ASH2L: variants seen among roughly 807,000 people sequenced by gnomAD.
The protein encoded by ASH2L is set1/Ash2 histone methyltransferase complex subunit ASH2.
Under a neutral mutation model 81.1 loss-of-function variants are expected in ASH2L, and 30 were observed. The observed-to-expected ratio is 0.37, with a 90% CI of 0.28 to 0.50. The LOEUF is 0.50. ASH2L is among the 20% of genes least tolerant of loss of function. ASH2L has a pLI of 0.95. For missense variants in ASH2L, 559 were observed against 792.1 expected, an observed-to-expected ratio of 0.71 and a Z score of 3.53; for synonymous variants, 273 against 279.9, an observed-to-expected ratio of 0.98 and a Z score of 0.24.
At chr8:38,106,135 C>T (rs1474754636) in intron 1 of ASH2L, 1 of 1,529,566 alleles carries the variant, frequency 6.5e-7, no homozygotes, top group South Asian at 1.2e-5. Context: ...CCAACTCTAA[C>T]CCAGGTAGAT....
chr8:38,119,511 A>C, intron 9 of ASH2L, 148 bp downstream of exon 9: 3 of 647,870 alleles, frequency 4.6e-6, no homozygotes, highest in South Asian at 2.4e-5. Flanking sequence ...GGACAAAATA[A>C]CCCCAGGTTG....
intron 12 of ASH2L, among the ~76,000 whole-genome samples, chr8:38,130,195 T>C (rs1238722256): frequency 6.7e-6 from 1 of 150,332 alleles, no homozygotes; most frequent in Admixed American, 6.6e-5. Flanking sequence ...ATATTTTGCC[T>C]GTTAATATTG....
In ASH2L at chr8:38,128,344, T is replaced by C. The variant is rs1801938608; in HGVS notation, c.1219T>C (p.Tyr407His). 1 of 1,614,170 alleles carries C rather than the reference T, an allele frequency of 6.2e-7. No individual in the cohort carries two copies. The highest frequency in any genetic ancestry group is 8.5e-7 in the Non-Finnish European group (1 of 1,180,014). Residue 407 changes from tyrosine to histidine, a missense_variant, in exon 11 of 16, where the codon TAC becomes CAC. Physicochemically the swap from Tyr to His is moderately conservative, Grantham distance 83. Coordinates refer to ENST00000343823, the MANE Select transcript of ASH2L (RefSeq NM_004674.5). The stretch of plus-strand genomic sequence containing the variant: ...GCTGACTGTGGTTGGAGAGAAGGGC[T>C]ACTCTATGGTGAGGGCCTCTCATGG... ...DRLTVVGEKGYSMVRASHGVR... is the reference protein window; with the variant it reads ...DRLTVVGEKGHSMVRASHGVR...
intron 5 of ASH2L, 77 bp downstream of exon 5, chr8:38,110,910 C>CT: frequency 8.5e-7 from 1 of 1,183,280 alleles, no homozygotes; most frequent in Non-Finnish European, 1.2e-6. Context: ...CTAACAAGTA[C>CT]TTTCTTCCCA....
intron 7 of ASH2L, 74 bp from the exon 8 acceptor site, chr8:38,116,576 T>C (rs1810911563): frequency 8.5e-7 from 1 of 1,171,718 alleles, no homozygotes; most frequent in Admixed American, 2.1e-5. Flanking sequence ...TCTGTTAGAA[T>C]TTCTCTTGTT....
In ASH2L at chr8:38,105,621, C is replaced by T. The variant is rs1810384726; in HGVS notation, c.71C>T (p.Ala24Val). The change falls in exon 1 of 16, where the codon GCA becomes GTA. Residue 24 changes from alanine to valine, a missense_variant. Physicochemically the swap from Ala to Val is moderately conservative, Grantham distance 64. Transcript: ENST00000343823. Reference sequence around the variant, plus strand: ...CCTGGCCCAGGAGCGGTCGCAAATGCAACAGGGGCAGAAGAGGGGGAGATG... The same window carrying T: ...CCTGGCCCAGGAGCGGTCGCAAATGTAACAGGGGCAGAAGAGGGGGAGATG... ...AGPGPGAVAN[A>V]TGAEEGEMKP... 1.2e-6 allele frequency: 2 copies of T among 1,605,726 alleles called. No homozygotes were observed. Among genetic ancestry groups the T allele is most frequent in the African/African-American group, 1.3e-5 (1 of 74,320 alleles).
At chr8:38,136,540 C>A (rs1357580031) in intron 14 of ASH2L, among the ~76,000 whole-genome samples, 1 of 148,824 alleles carries the variant, frequency 6.7e-6, no homozygotes, top group East Asian at 2.0e-4. Context: ...TTTGGGAGGC[C>A]AAGGTGGGTG....
intron 10 of ASH2L, among the ~76,000 whole-genome samples, chr8:38,122,658 C>G (rs961734767): frequency 6.6e-6 from 1 of 152,102 alleles, no homozygotes; most frequent in Non-Finnish European, 1.5e-5. Flanking sequence ...GGGTTGACAG[C>G]CTTCCTCCTT....
At chr8:38,129,390 G>C (rs533368314) in intron 12 of ASH2L, among the ~76,000 whole-genome samples, 7 of 152,218 alleles carry the variant, frequency 4.6e-5, no homozygotes, top group African/African-American at 1.7e-4. Flanking sequence ...CAACAATTTG[G>C]GAAGCCAAGC....
chr8:38,135,048 A>G (rs918955365), intron 13 of ASH2L, among the ~76,000 whole-genome samples: 4 of 151,706 alleles, frequency 2.6e-5, no homozygotes, highest in Non-Finnish European at 5.9e-5. Context: ...AGGCCAGCTT[A>G]CTTTAAAAAA....
rs542107345 is a variant in ASH2L, at chr8:38,119,613, C to A, written c.947+250C>A. On this transcript the variant is annotated intron_variant, in intron 9 of 15. Transcript: ENST00000343823. ...TTGAGGCCAGGAGTTTGAGACCAGC[C>A]TGGCCAACATGGCGAAACCCCATCT... Among the ~76,000 whole-genome samples the A allele has an allele frequency of 6.6e-5, 10 of 152,118 alleles. No individual in the cohort carries two copies. In the South Asian group the frequency reaches 2.1e-3, roughly 32 times the overall value.
rs747727718 is a variant in ASH2L, at chr8:38,139,139, C to T, written c.*68C>T. 8.6e-5 allele frequency: 108 copies of T among 1,258,000 alleles called. No individual in the cohort carries two copies. The highest frequency in any genetic ancestry group is 1.2e-4 in the Non-Finnish European group (107 of 911,778). The allele number at this position is 1,258,000 out of a possible 1,614,324, so 77.9% of individuals were successfully genotyped here. ...TGGGGGTTTTGTTTTTGTTTTTGAA[C>T]TGTCTCAAATGTTCTCCCAAAGATG... is the stretch of plus-strand genomic sequence containing the variant. On this transcript the variant is annotated 3_prime_UTR_variant, in exon 16 of 16. Coordinates refer to ENST00000343823, the MANE Select transcript of ASH2L (RefSeq NM_004674.5).
At chr8:38,127,259 C>T (rs1013185821) in intron 10 of ASH2L, among the ~76,000 whole-genome samples, 1 of 147,386 alleles carries the variant, frequency 6.8e-6, no homozygotes, top group African/African-American at 2.5e-5. Context: ...CCTGAGGCCA[C>T]GAGTTCAAGG....
intron 9 of ASH2L, 70 bp from the exon 10 acceptor site, chr8:38,120,862 C>A: frequency 1.5e-6 from 2 of 1,328,370 alleles, no homozygotes; most frequent in Non-Finnish European, 2.1e-6. Flanking sequence ...AGAGGCCTTT[C>A]TTACACAGTT....
At chr8:38,125,324 A>G (rs1235320693) in intron 10 of ASH2L, among the ~76,000 whole-genome samples, 2 of 152,190 alleles carry the variant, frequency 1.3e-5, no homozygotes, top group Non-Finnish European at 2.9e-5. Flanking sequence ...ATCTCTTTAA[A>G]AATGCGGCTA....
chr8:38,118,005 G>A (rs2267939), intron 8 of ASH2L, among the ~76,000 whole-genome samples: 5,187 of 152,244 alleles, frequency 0.034, 287 homozygotes, highest in East Asian at 0.24. Context: ...GTTGCAGTGA[G>A]CCGAGATCGT....
intron 10 of ASH2L, among the ~76,000 whole-genome samples, chr8:38,125,340 G>A (rs1455189075): frequency 6.6e-6 from 1 of 152,178 alleles, no homozygotes; most frequent in Non-Finnish European, 1.5e-5. Context: ...GGCTATTGGG[G>A]CCAGGCACAG....
rs750572558 is a variant in ASH2L, at chr8:38,105,545, G to C, written c.-6G>C. On this transcript the variant is annotated 5_prime_UTR_variant, in exon 1 of 16. Transcript: ENST00000343823. ...TATTCTCGCGAGAAGTCCAGGGGTG[G>C]CCGTGATGGCGGCGGCAGGAGCAGG... The C allele has an allele frequency of 6.4e-7, 1 of 1,557,952 alleles. No individual in the cohort carries two copies. The highest frequency in any genetic ancestry group is 8.7e-7 in the Non-Finnish European group (1 of 1,150,290).
rs200855926 is a variant in ASH2L, at chr8:38,117,353, TG to T, written c.853+631del. The T allele has an allele frequency of 6.4e-6, 4 of 628,536 alleles. No homozygotes were observed. In the African/African-American group the frequency reaches 7.9e-5, roughly 12 times the overall value. 38.9% of individuals were successfully genotyped at this position (628,536 alleles called of 1,614,324 possible). ...TTCTACTGTTACTAATATTTTAAGGTGGGTTGGAAATAGCTAGTGTGTTATC... is the reference window on the plus strand; with the variant it reads ...TTCTACTGTTACTAATATTTTAAGGTGGTTGGAAATAGCTAGTGTGTTATC... On this transcript the variant is annotated intron_variant, in intron 8 of 15. Transcript: ENST00000343823.
Sources: gnomAD v4.1 joint callset for allele counts (sites outside exome capture counted in the v4.1 genomes callset) on GRCh38, gnomAD v4.1.1 for gene constraint, MANE v1.5 for transcripts, NCBI Gene and HGNC (gene_info 2026-07-23, HGNC 2026-07-21) for gene names.